Variants in CPEB2 observed in about 807,000 individuals in gnomAD.
The protein encoded by CPEB2 is cytoplasmic polyadenylation element binding protein 2, also known as cytoplasmic polyadenylation element-binding protein 2.
A neutral mutation model predicts 93.6 loss-of-function variants in CPEB2; 56 were observed. The ratio of observed to expected loss-of-function variants is 0.60; its 90% CI spans 0.48 to 0.75. CPEB2 has a LOEUF of 0.75. CPEB2 is among the 30% of genes least tolerant of loss of function. The pLI is 0.00. For synonymous variants in CPEB2, 764 were observed against 586.3 expected (o/e 1.30, Z -4.38); for missense variants, 1,579 against 1,395.1 (o/e 1.13, Z -2.10).
intron 5 of CPEB2, among the ~76,000 whole-genome samples, chr4:15,034,694 T>A (rs1049920407): frequency 5.3e-5 from 8 of 152,184 alleles, no homozygotes; most frequent in Non-Finnish European, 8.8e-5. Flanking sequence ...GAATTTTTTT[T>A]AAAACTTTTT....
In CPEB2 at chr4:15,017,283, G is replaced by A. The variant is rs368796123; in HGVS notation, c.2125+5G>A. ...CAGAGCATGATCCTCTTAAGGGTAG[G>A]TGACTTTTTAAAAAAATATATGTTT... On this transcript the variant is annotated splice_donor_5th_base_variant and intron_variant, in intron 4 of 11. Coordinates refer to ENST00000538197, the MANE Select transcript of CPEB2 (RefSeq NM_001177382.2). The A allele has an allele frequency of 3.6e-4, 543 of 1,527,440 alleles. No homozygotes were observed. The highest frequency in any genetic ancestry group is 4.7e-4 in the Non-Finnish European group (526 of 1,118,024). The allele number at this position is 1,527,440 out of a possible 1,614,324, so 94.6% of individuals were successfully genotyped here.
chr4:15,019,856 G>C (rs1724622711), intron 4 of CPEB2, among the ~76,000 whole-genome samples: 2 of 151,952 alleles, frequency 1.3e-5, no homozygotes, highest in South Asian at 4.1e-4. Flanking sequence ...AAATTTAGCA[G>C]ATCAAAAAAA....
chr4:15,023,743 T>C (rs902904513), intron 4 of CPEB2, among the ~76,000 whole-genome samples: 1 of 151,850 alleles, frequency 6.6e-6, no homozygotes, highest in African/African-American at 2.4e-5. Flanking sequence ...TGGTAGCCAC[T>C]ATGAGCTTTT....
chr4:15,004,134 C>T lies in CPEB2; in HGVS notation c.1461C>T (p.Gly487=), dbSNP rs769422615. Residue 487 remains glycine (G), a synonymous_variant, in exon 1 of 12, where the codon GGC becomes GGT. Transcript: ENST00000538197. ...SVPTSGGGGG[G]FGGPFSATAV... ...CGACGAGCGGCGGCGGCGGCGGCGGCTTCGGCGGCCCCTTCTCGGCTACCG... is the reference window on the plus strand; with the variant it reads ...CGACGAGCGGCGGCGGCGGCGGCGGTTTCGGCGGCCCCTTCTCGGCTACCG... 5 of 593,428 alleles carry T rather than the reference C, an allele frequency of 8.4e-6. No individual in the cohort carries two copies. The highest frequency in any genetic ancestry group is 4.1e-5 in the African/African-American group (2 of 48,952). The allele number at this position is 593,428 out of a possible 1,614,324, so 36.8% of individuals were successfully genotyped here. A position where few individuals can be genotyped will look rare whatever the true frequency, so the allele number is the denominator to read the frequency against.
intron 6 of CPEB2, among the ~76,000 whole-genome samples, chr4:15,044,892 C>T (rs1045926190): frequency 3.9e-5 from 6 of 152,042 alleles, no homozygotes; most frequent in African/African-American, 1.5e-4. Flanking sequence ...TTTTGCTCTT[C>T]CTTCTCTTAT....
chr4:15,044,284 T>C (rs905434724), intron 6 of CPEB2, among the ~76,000 whole-genome samples: 1 of 152,148 alleles, frequency 6.6e-6, no homozygotes, highest in South Asian at 2.1e-4. Flanking sequence ...GATAGCACAG[T>C]TGAGTAATTC....
chr4:15,025,176 T>G (rs1011585323), intron 4 of CPEB2, among the ~76,000 whole-genome samples: 3 of 152,182 alleles, frequency 2.0e-5, no homozygotes, highest in African/African-American at 7.2e-5. Flanking sequence ...AGCTTATGTT[T>G]ATTTTTCAAA....
chr4:15,046,513 A>G (rs1300253055), intron 6 of CPEB2, among the ~76,000 whole-genome samples: 1 of 152,204 alleles, frequency 6.6e-6, no homozygotes, highest in Non-Finnish European at 1.5e-5. Flanking sequence ...GGCATGAGCC[A>G]TCGCGCCTGG....
intron 3 of CPEB2, among the ~76,000 whole-genome samples, chr4:15,011,513 A>G (rs982510618): frequency 1.6e-4 from 24 of 152,166 alleles, no homozygotes; most frequent in African/African-American, 5.8e-4. Flanking sequence ...ATTATATTAC[A>G]ATGGAATTTG....
At chr4:15,008,575 G>A in intron 3 of CPEB2, 148 bp downstream of exon 3, 3 of 448,610 alleles carry the variant, frequency 6.7e-6, no homozygotes, top group Non-Finnish European at 7.8e-6. Flanking sequence ...AGGATCACCT[G>A]CTTTGAACTA....
At chr4:15,058,690 A>G (rs765963792) in intron 9 of CPEB2, 151 bp downstream of exon 9, 11 of 593,680 alleles carry the variant, frequency 1.9e-5, no homozygotes, top group East Asian at 1.1e-4. Context: ...GGAGTCCCCA[A>G]CCCCTGGGCA....
chr4:15,024,510 CTTACT>C (rs1480473562), intron 4 of CPEB2, among the ~76,000 whole-genome samples: 1 of 151,966 alleles, frequency 6.6e-6, no homozygotes, highest in African/African-American at 2.4e-5. Flanking sequence ...GCCTTGATTT[CTTACT>C]TTATTTTTTT....
intron 11 of CPEB2, among the ~76,000 whole-genome samples, chr4:15,062,462 A>G (rs1398341975): frequency 6.6e-6 from 1 of 152,130 alleles, no homozygotes; most frequent in Non-Finnish European, 1.5e-5. Context: ...AAAAATATTA[A>G]TATCATTGTG....
In CPEB2 at chr4:15,007,546, T is replaced by A. The variant is rs1722984475; in HGVS notation, c.1904T>A (p.Phe635Tyr). The change falls in exon 2 of 12, where the codon TTC becomes TAC. Residue 635 changes from phenylalanine (F) to tyrosine (Y), a missense_variant. Phe to Tyr is a conservative substitution (Grantham distance 22, BLOSUM62 3). Around this residue, in one of 2 missense-constraint regions of CPEB2, gnomAD observed 1,411 missense variants for 1,056.0 expected, o/e 1.34. Coordinates refer to ENST00000538197, the MANE Select transcript of CPEB2 (RefSeq NM_001177382.2). ...AAATCTTGGATTGAAGATAATGTGT[T>A]CAGAACAGACAACAATAGTAATACA... ...TPKSWIEDNV[F>Y]RTDNNSNTLL... 6.2e-7 allele frequency: 1 copy of A among 1,612,714 alleles called. No individual in the cohort carries two copies. The highest frequency in any genetic ancestry group is 8.5e-7 in the Non-Finnish European group (1 of 1,179,022).
In CPEB2 at chr4:15,003,189, G is replaced by C; in HGVS notation, c.516G>C (p.Gln172His). 10 of 1,534,218 alleles carry C rather than the reference G, an allele frequency of 6.5e-6. No homozygotes were observed. Among genetic ancestry groups the C allele is most frequent in the Non-Finnish European group, 8.7e-6 (10 of 1,146,280 alleles). The change falls in exon 1 of 12, where the codon CAG (glutamine) becomes CAC (histidine). Residue 172 changes from glutamine to histidine, a missense_variant. Around this residue, in one of 2 missense-constraint regions of CPEB2, gnomAD observed 1,411 missense variants for 1,056.0 expected, o/e 1.34. Coordinates refer to ENST00000538197, the MANE Select transcript of CPEB2 (RefSeq NM_001177382.2). ...AGGACTTCAGTAAGCGGCAGCAGCA[G>C]CAGCTGAGCAGCCAGAAGAGGAAAG... is the stretch of plus-strand genomic sequence containing the variant. ...SPQDFSKRQQ[Q>H]QLSSQKRKEF...
chr4:15,023,691 TTCC>T (rs1050298049), intron 4 of CPEB2, among the ~76,000 whole-genome samples: 9 of 152,110 alleles, frequency 5.9e-5, no homozygotes, highest in Admixed American at 5.9e-4. Flanking sequence ...AGAAGTCTCC[TTCC>T]TCCTCCTTGT....
chr4:15,047,011 C>G (rs1727769960), intron 6 of CPEB2, among the ~76,000 whole-genome samples: 1 of 152,174 alleles, frequency 6.6e-6, no homozygotes, highest in Non-Finnish European at 1.5e-5. Context: ...CCCCCTCCAA[C>G]TAGAAATCCA....
At chr4:15,026,552 A>C (rs960231214) in intron 4 of CPEB2, among the ~76,000 whole-genome samples, 7 of 152,070 alleles carry the variant, frequency 4.6e-5, no homozygotes, top group African/African-American at 1.7e-4. Flanking sequence ...TATCTTTCAC[A>C]TAATCTTTCA....
chr4:15,004,185 C>G lies in CPEB2; in HGVS notation c.1512C>G (p.Ala504=). ...ATAVPPPPPP[A]MNIPQQQPPP... ...CTGTGCCCCCTCCGCCGCCGCCCGC[C>G]ATGAATATACCTCAACAGCAGCCCC... The change falls in exon 1 of 12, where the codon GCC becomes GCG. Residue 504 remains alanine, a synonymous_variant. Transcript: ENST00000538197. 4.8e-6 allele frequency: 7 copies of G among 1,472,714 alleles called. No homozygotes were observed. Among genetic ancestry groups the G allele is most frequent in the East Asian group, 2.9e-5 (1 of 34,252 alleles). The allele number at this position is 1,472,714 out of a possible 1,614,324, so 91.2% of individuals were successfully genotyped here. A position where few individuals can be genotyped will look rare whatever the true frequency, so the allele number is the denominator to read the frequency against.
Sources: gnomAD v4.1 joint callset for allele counts (sites outside exome capture counted in the v4.1 genomes callset) on GRCh38, gnomAD v4.1.1 for gene constraint, gnomAD v4.1.1 regional missense constraint, MANE v1.5 for transcripts, NCBI Gene and HGNC (gene_info 2026-07-23, HGNC 2026-07-21) for gene names.